UBE2E1: variants seen among roughly 807,000 people sequenced by gnomAD.
UBE2E1 encodes ubiquitin conjugating enzyme E2 E1, also known as ubiquitin-conjugating enzyme E2 E1.
Under a neutral mutation model 21.4 loss-of-function variants are expected in UBE2E1, and 6 were observed. That is an observed-to-expected ratio of 0.28 (90% CI 0.15 to 0.55). The LOEUF is 0.55. UBE2E1 is among the 20% of genes least tolerant of loss of function. The probability of loss-of-function intolerance (pLI) is 0.93; values close to 1 mark genes in which losing one functional copy is unlikely to be tolerated. For missense variants in UBE2E1, 142 were observed against 236.5 expected (o/e 0.60, Z 2.62); for synonymous variants, 87 against 82.7 (o/e 1.05, Z -0.28).
At position 23,876,018 on chromosome 3, in the gene UBE2E1, G is replaced by A. The variant is rs1299469028; in HGVS notation, c.204-11549G>A. On this transcript the variant is annotated intron_variant, in intron 3 of 5. Coordinates refer to ENST00000306627, the MANE Select transcript of UBE2E1 (RefSeq NM_003341.5). The surrounding 1 kb of genome is among the most constrained non-coding windows in gnomAD (Gnocchi z 4.3). ...TATCTCTAGACCTCGTGATCTGCCC[G>A]CTTTGGCCTCACAAAGTGCTGGGAT... 4.6e-5 allele frequency among the ~76,000 whole-genome samples: 7 copies of A among 152,184 alleles called. No homozygotes were observed. The highest frequency in any genetic ancestry group is 8.8e-5 in the Non-Finnish European group (6 of 68,038).
chr3:23,873,748 G>GA (rs914872447), intron 3 of UBE2E1, among the ~76,000 whole-genome samples: 17 of 151,192 alleles, frequency 1.1e-4, no homozygotes, highest in African/African-American at 2.9e-4. Flanking sequence ...TCCGTCTCAA[G>GA]AAAAAAAAAT....
chr3:23,826,013 A>C (rs917001343), intron 3 of UBE2E1, among the ~76,000 whole-genome samples: 2 of 152,166 alleles, frequency 1.3e-5, no homozygotes, highest in Non-Finnish European at 2.9e-5. Flanking sequence ...GTGAGTGGCC[A>C]CTGTGCTCCA....
At chr3:23,819,620 C>T (rs1699603615) in intron 3 of UBE2E1, among the ~76,000 whole-genome samples, 1 of 152,162 alleles carries the variant, frequency 6.6e-6, no homozygotes, top group Non-Finnish European at 1.5e-5. Context: ...GTAAACAATA[C>T]ATATTTGTTA....
chr3:23,865,187 C>T (rs1700629672), intron 3 of UBE2E1, among the ~76,000 whole-genome samples: 1 of 152,162 alleles, frequency 6.6e-6, no homozygotes, highest in Non-Finnish European at 1.5e-5. Context: ...GTAGCTCTTA[C>T]AAGGTCACAT....
rs1559482500 is a variant in UBE2E1, at chr3:23,842,253, T to TGTGGTGGTGG, written c.203+30743_203+30744insGTGGTGGTGG. Among the ~76,000 whole-genome samples the TGTGGTGGTGG allele has an allele frequency of 1.8e-5, 1 of 56,756 alleles. No individual in the cohort carries two copies. The highest frequency in any genetic ancestry group is 5.9e-5 in the African/African-American group (1 of 16,870). The allele number at this position is 56,756 out of a possible 152,430, so 37.2% of individuals were successfully genotyped here. ...TGTGTGTGTGTGTGTGTGTGTGGTG[T>TGTGGTGGTGG]TGTTGTTGTTGGCGACAGGGTCTCA... On this transcript the variant is annotated intron_variant, in intron 3 of 5. Coordinates refer to ENST00000306627, the MANE Select transcript of UBE2E1 (RefSeq NM_003341.5). The surrounding 1 kb of genome is among the most constrained non-coding windows in gnomAD (Gnocchi z 4.6).
chr3:23,807,636 G>A, intron 2 of UBE2E1: 1 of 473,006 alleles, frequency 2.1e-6, no homozygotes, highest in South Asian at 5.4e-5. Context: ...CTTGCCTCTC[G>A]CATTTCTTGC....
intron 3 of UBE2E1, among the ~76,000 whole-genome samples, chr3:23,831,660 A>G (rs548996791): frequency 1.3e-5 from 2 of 150,340 alleles, no homozygotes; most frequent in Non-Finnish European, 3.0e-5. Flanking sequence ...CTAGGACTAC[A>G]GGCACGTGCT....
chr3:23,838,480 A>G (rs1700016642), intron 3 of UBE2E1, among the ~76,000 whole-genome samples: 1 of 152,080 alleles, frequency 6.6e-6, no homozygotes, highest in Non-Finnish European at 1.5e-5. Flanking sequence ...TATTGTTGAC[A>G]TGATTGGATT....
chr3:23,832,426 C>T (rs1699886789), intron 3 of UBE2E1, among the ~76,000 whole-genome samples: 1 of 152,146 alleles, frequency 6.6e-6, no homozygotes, highest in Non-Finnish European at 1.5e-5. Flanking sequence ...GGGCAGATCA[C>T]CTGAGCTCGG....
At position 23,842,358 on chromosome 3, in the gene UBE2E1, C is replaced by T. The variant is rs888284012; in HGVS notation, c.203+30848C>T. Among the ~76,000 whole-genome samples, 4 of 152,038 alleles carry T rather than the reference C, an allele frequency of 2.6e-5. No individual in the cohort carries two copies. Among genetic ancestry groups the T allele is most frequent in the African/African-American group, 9.7e-5 (4 of 41,386 alleles). ...ACCTCATGGGCTCAGGCAGTCCTCC[C>T]ACCTCGCCTCCTGAGTAGCTGGGAT... On this transcript the variant is annotated intron_variant, in intron 3 of 5. Transcript: ENST00000306627. The surrounding 1 kb of genome is among the most constrained non-coding windows in gnomAD (Gnocchi z 4.6).
At position 23,842,250 on chromosome 3, in the gene UBE2E1, G is replaced by GGTGGTGT. The variant is rs79440666; in HGVS notation, c.203+30740_203+30741insGTGGTGT. Reference sequence around the variant, plus strand: ...GTGTGTGTGTGTGTGTGTGTGTGTGGTGTTGTTGTTGTTGGCGACAGGGTC... The same window carrying GGTGGTGT: ...GTGTGTGTGTGTGTGTGTGTGTGTGGGTGGTGTTGTTGTTGTTGTTGGCGACAGGGTC... On this transcript the variant is annotated intron_variant, in intron 3 of 5. Transcript: ENST00000306627. This position sits in a 1 kb window ranked among gnomAD's most constrained non-coding sequence, Gnocchi z 4.6. 6.9e-5 allele frequency among the ~76,000 whole-genome samples: 6 copies of GGTGGTGT among 86,370 alleles called. No individual in the cohort carries two copies. Among genetic ancestry groups the GGTGGTGT allele is most frequent in the African/African-American group, 4.6e-5 (1 of 21,708 alleles). The allele number at this position is 86,370 out of a possible 152,430, so 56.7% of individuals were successfully genotyped here.
intron 4 of UBE2E1, chr3:23,888,311 A>C: frequency 2.2e-6 from 1 of 456,178 alleles, no homozygotes; most frequent in South Asian, 1.6e-5. Flanking sequence ...TATGATTCTC[A>C]TTCAGTCAGA....
chr3:23,889,304 A>T, intron 5 of UBE2E1, 45 bp downstream of exon 5: 1 of 1,611,816 alleles, frequency 6.2e-7, no homozygotes, highest in Middle Eastern at 1.7e-4. Context: ...TCCTTACCTG[A>T]AAAATACTTG....
intron 3 of UBE2E1, among the ~76,000 whole-genome samples, chr3:23,873,603 A>G (rs1001175184): frequency 1.3e-5 from 2 of 152,070 alleles, no homozygotes; most frequent in Admixed American, 6.6e-5. Flanking sequence ...AAAATTAGGC[A>G]GGCATGGTGG....
rs543933119 is a variant in UBE2E1 at position 23,853,765 on chromosome 3, C to T, written c.204-33802C>T. 7.2e-5 allele frequency among the ~76,000 whole-genome samples: 11 copies of T among 152,218 alleles called. No homozygotes were observed. The South Asian group carries it at 2.3e-3, about 32-fold the overall frequency. On this transcript the variant is annotated intron_variant, in intron 3 of 5. Transcript: ENST00000306627. The surrounding 1 kb of genome is among the most constrained non-coding windows in gnomAD (Gnocchi z 4.1). ...TTGCATTTGGTAGTCTGCCAGTGCT[C>T]AAAAATTCCTGGTGGTGGTTTTTCA... is the stretch of plus-strand genomic sequence containing the variant.
rs1049483512 is a variant in UBE2E1, at chr3:23,806,219, G to T, written c.-34+131G>T. ...GCAGGGCACGGGGCCGGCGCGGGGG[G>T]GGAGCGGAGAGGGGCTGGGGAGCCC... is the stretch of plus-strand genomic sequence containing the variant. On this transcript the variant is annotated intron_variant, in intron 1 of 5. Coordinates refer to ENST00000306627, the MANE Select transcript of UBE2E1 (RefSeq NM_003341.5). The surrounding 1 kb of genome is among the most constrained non-coding windows in gnomAD (Gnocchi z 6.5). 2.7e-5 allele frequency: 4 copies of T among 148,772 alleles called. No homozygotes were observed. In the East Asian group the frequency reaches 6.0e-4, roughly 22 times the overall value. The allele number at this position is 148,772 out of a possible 1,614,324, so 9.2% of individuals were successfully genotyped here. A position where few individuals can be genotyped will look rare whatever the true frequency, so the allele number is the denominator to read the frequency against.
At chr3:23,856,733 G>T in intron 3 of UBE2E1, among the ~76,000 whole-genome samples, 1 of 152,142 alleles carries the variant, frequency 6.6e-6, no homozygotes, top group South Asian at 2.1e-4. Context: ...AAGCGCTTTA[G>T]AAAAGTGAGA....
intron 3 of UBE2E1, among the ~76,000 whole-genome samples, chr3:23,824,162 G>A (rs1030436428): frequency 3.9e-5 from 6 of 152,156 alleles, no homozygotes; most frequent in African/African-American, 1.4e-4. Context: ...CCTGTATTGG[G>A]AGGAAATTCT....
intron 3 of UBE2E1, among the ~76,000 whole-genome samples, chr3:23,885,354 A>G (rs1251337131): frequency 6.6e-6 from 1 of 152,214 alleles, no homozygotes; most frequent in Non-Finnish European, 1.5e-5. Context: ...AGGCAAACTT[A>G]TGATGACCAA....
Sources: gnomAD v4.1 joint callset for allele counts (sites outside exome capture counted in the v4.1 genomes callset) on GRCh38, gnomAD v4.1.1 for gene constraint, Gnocchi (gnomAD v3.1) non-coding constraint, MANE v1.5 for transcripts, NCBI Gene and HGNC (gene_info 2026-07-23, HGNC 2026-07-21) for gene names.